Variants in TEX9 observed in about 807,000 individuals in gnomAD.
TEX9 encodes testis expressed 9.
TEX9 carries 74 observed loss-of-function variants against 59.6 expected under a neutral mutation model. That is an observed-to-expected ratio of 1.24 (90% CI 1.03 to 1.51). The LOEUF (loss-of-function observed/expected upper bound fraction) is 1.51, where lower values mean the gene tolerates loss of function less well. Ranked by LOEUF, TEX9 falls within the 40% of genes most tolerant of loss-of-function variation. The pLI is 0.00. For synonymous variants in TEX9, 186 were observed against 152.2 expected, an observed-to-expected ratio of 1.22 and a Z score of -1.64; for missense variants, 522 against 447.8, an observed-to-expected ratio of 1.17 and a Z score of -1.49.
the TEX9 span, among the ~76,000 whole-genome samples, chr15:56,451,494 T>C: frequency 3.3e-5 from 5 of 152,180 alleles, no homozygotes; most frequent in African/African-American, 1.2e-4. Context: ...TTTCTGATGT[T>C]TGTAGTCGGG....
downstream of TEX9, among the ~76,000 whole-genome samples, chr15:56,449,556 T>C (rs1042146476): frequency 4.6e-5 from 7 of 152,186 alleles, no homozygotes; most frequent in Admixed American, 4.6e-4. Flanking sequence ...AGTCTACAGG[T>C]TTCTCATATC....
intron 1 of TEX9, among the ~76,000 whole-genome samples, chr15:56,283,714 T>A (rs2255530): frequency 0.98 from 148,439 of 152,240 alleles, 72,487 homozygotes; most frequent in East Asian, 1. Context: ...TGAAAAAAAT[T>A]AATATTTAAC....
chr15:56,450,792 A>G (rs1206459917), downstream of TEX9, among the ~76,000 whole-genome samples: 1 of 152,168 alleles, frequency 6.6e-6, no homozygotes, highest in Non-Finnish European at 1.5e-5. Context: ...GCTGGCTCAT[A>G]TGGTAATCCT....
chr15:56,268,521 G>A (rs1018372837), intron 1 of TEX9, among the ~76,000 whole-genome samples: 23 of 152,176 alleles, frequency 1.5e-4, no homozygotes, highest in South Asian at 4.1e-4. Flanking sequence ...TTTATTGAGC[G>A]TTTTTAGCAT....
chr15:56,296,305 G>C (rs1362501621), intron 1 of TEX9, among the ~76,000 whole-genome samples: 1 of 152,014 alleles, frequency 6.6e-6, no homozygotes, highest in East Asian at 1.9e-4. Flanking sequence ...ATTCTAGTTT[G>C]TTACTGAATT....
chr15:56,389,397 C>A lies in TEX9; in HGVS notation c.392C>A (p.Ser131Ter). Residue 131 changes from serine (S) to a stop codon, truncating the protein, a stop_gained, in exon 6 of 13, where the codon TCA becomes TAA. Transcript: ENST00000352903. LOFTEE classifies it high-confidence loss of function. ...GCAAATAAAGGAAGGAAAACAAATTCAAGGTATAGTATAGTTTTCAAAGTA... is the reference window on the plus strand; with the variant it reads ...GCAAATAAAGGAAGGAAAACAAATTAAAGGTATAGTATAGTTTTCAAAGTA... The A allele has an allele frequency of 1.3e-6, 2 of 1,597,258 alleles. No individual in the cohort carries two copies. Among genetic ancestry groups the A allele is most frequent in the South Asian group, 1.1e-5 (1 of 90,520 alleles).
chr15:56,380,496 T>C (rs1200380669), intron 3 of TEX9, among the ~76,000 whole-genome samples: 1 of 152,222 alleles, frequency 6.6e-6, no homozygotes, highest in Non-Finnish European at 1.5e-5. Flanking sequence ...GTATGTTTAC[T>C]ATTACCAGTG....
At chr15:56,367,748 A>C (rs2047010728) in intron 2 of TEX9, among the ~76,000 whole-genome samples, 1 of 152,180 alleles carries the variant, frequency 6.6e-6, no homozygotes, top group African/African-American at 2.4e-5. Context: ...TTACTACATA[A>C]AATTCTTGCG....
At chr15:56,365,877 G>A in intron 2 of TEX9, 1 of 1,389,510 alleles carries the variant, frequency 7.2e-7, no homozygotes, top group Non-Finnish European at 9.3e-7. Flanking sequence ...TTTGAAGTGG[G>A]CGAAAATTTA....
intron 1 of TEX9, among the ~76,000 whole-genome samples, chr15:56,339,381 T>C (rs1193404708): frequency 3.2e-4 from 1 of 3,128 alleles, no homozygotes; most frequent in Non-Finnish European, 6.3e-4. Context: ...AGACTCCTTC[T>C]CCAAAAAAAA....
intron 1 of TEX9, among the ~76,000 whole-genome samples, chr15:56,316,165 T>G (rs2045755207): frequency 6.9e-6 from 1 of 144,926 alleles, no homozygotes; most frequent in African/African-American, 2.5e-5. Context: ...AAAGTCATTC[T>G]CCATCCAGCT....
chr15:56,377,107 G>T (rs1202751992), intron 3 of TEX9, among the ~76,000 whole-genome samples: 1 of 152,030 alleles, frequency 6.6e-6, no homozygotes, highest in Non-Finnish European at 1.5e-5. Context: ...CTGTTCCATT[G>T]GTCTGTGTGT....
intron 1 of TEX9, among the ~76,000 whole-genome samples, chr15:56,324,480 C>G (rs1470791000): frequency 1.3e-5 from 2 of 152,146 alleles, no homozygotes; most frequent in East Asian, 3.8e-4. Context: ...GGGAATATTC[C>G]TAATATCTTT....
chr15:56,418,471 CTTT>C (rs564272339), intron 10 of TEX9, among the ~76,000 whole-genome samples: 1 of 142,966 alleles, frequency 7.0e-6, no homozygotes, highest in East Asian at 2.0e-4. Flanking sequence ...TTCTTGAGGG[CTTT>C]TTTTTTTTCT....
At chr15:56,394,970 G>A (rs1210345591) in intron 9 of TEX9, 136 bp downstream of exon 9, 1 of 856,002 alleles carries the variant, frequency 1.2e-6, no homozygotes, top group Non-Finnish European at 1.7e-6. Flanking sequence ...CCCTTACATA[G>A]AATATTTTTA....
intron 4 of TEX9, among the ~76,000 whole-genome samples, chr15:56,386,254 T>G (rs1207212077): frequency 6.6e-6 from 1 of 151,916 alleles, no homozygotes; most frequent in Non-Finnish European, 1.5e-5. Context: ...GAAATCAAAG[T>G]GGTTGTCTGG....
intron 2 of TEX9, among the ~76,000 whole-genome samples, chr15:56,369,607 T>C (rs1213141229): frequency 2.0e-5 from 3 of 152,178 alleles, no homozygotes; most frequent in Non-Finnish European, 4.4e-5. Flanking sequence ...AGTGCTGGTA[T>C]TACAGGCCCA....
the TEX9 span, among the ~76,000 whole-genome samples, chr15:56,454,308 G>C: frequency 1.3e-5 from 2 of 152,064 alleles, no homozygotes; most frequent in Non-Finnish European, 2.9e-5. Context: ...TCATATCATG[G>C]AAAATGGGGT....
chr15:56,379,099 AAAAG>A (rs2142103877), intron 3 of TEX9, among the ~76,000 whole-genome samples: 1 of 151,136 alleles, frequency 6.6e-6, no homozygotes, highest in South Asian at 2.1e-4. Flanking sequence ...GAAAGAAAAA[AAAAG>A]AAAAGAAAGA....
Sources: allele counts gnomAD v4.1 joint callset (sites outside exome capture counted in the v4.1 genomes callset), GRCh38; gene constraint gnomAD v4.1.1; transcripts MANE v1.5; gene names NCBI Gene and HGNC (gene_info 2026-07-23, HGNC 2026-07-21).